The following CREB3 variants were observed in gnomAD, a reference collection of about 807,000 sequenced individuals.
CREB3 encodes cyclic AMP-responsive element-binding protein 3.
Under a neutral mutation model 34.5 loss-of-function variants are expected in CREB3, and 29 were observed. The ratio of observed to expected loss-of-function variants is 0.84; its 90% CI spans 0.63 to 1.15. The LOEUF is 1.15. Ranked by LOEUF, CREB3 falls within the 50% of genes most tolerant of loss-of-function variation. The pLI is 0.00. For missense variants in CREB3, 447 were observed against 443.4 expected (o/e 1.01, Z -0.07); for synonymous variants, 187 against 173.9 (o/e 1.08, Z -0.59).
chr9:35,733,701 TAAAA>T (rs149689619), intron 4 of CREB3, among the ~76,000 whole-genome samples: 21,270 of 152,026 alleles, frequency 0.14, 1,914 homozygotes, highest in East Asian at 0.31. Flanking sequence ...GGTGTTCTGT[TAAAA>T]AAATAACTCA....
rs755004669 is a variant in CREB3, at chr9:35,736,209, C to T, written c.697-18C>T. ...GCAATCCAGAGCCCTTCTTCATCTC[C>T]TTTTTCCTGTGCTCTAGGTCCTACT... On this transcript the variant is annotated intron_variant, in intron 7 of 8. Coordinates refer to ENST00000353704, the MANE Select transcript of CREB3 (RefSeq NM_006368.5). 1.2e-6 allele frequency: 2 copies of T among 1,613,636 alleles called. No individual in the cohort carries two copies. The highest frequency in any genetic ancestry group is 2.2e-5 in the East Asian group (1 of 44,874).
chr9:35,736,863 T>G lies in CREB3; in HGVS notation c.*137T>G, dbSNP rs1826234023. On this transcript the variant is annotated 3_prime_UTR_variant, in exon 9 of 9. Coordinates refer to ENST00000353704, the MANE Select transcript of CREB3 (RefSeq NM_006368.5). ...ACTGAGGGCTCAAACACACCACACT[T>G]AATGGCTTTCTGGGTCTTTTATTTG... is the stretch of plus-strand genomic sequence containing the variant. The G allele has an allele frequency of 1.2e-6, 1 of 835,668 alleles. No individual in the cohort carries two copies. 51.8% of individuals were successfully genotyped at this position (835,668 alleles called of 1,614,324 possible). A position where few individuals can be genotyped will look rare whatever the true frequency, so the allele number is the denominator to read the frequency against.
Position 35,735,206 on chromosome 9 carries a change from T to C in CREB3, c.533T>C (p.Leu178Ser). The change falls in exon 5 of 9, where the codon TTA becomes TCA. Residue 178 changes from leucine to serine, a missense_variant. Leu to Ser is a moderately radical substitution (Grantham distance 145). Transcript: ENST00000353704. ...RRKKKVYVGG[L>S]ESRVLKYTAQ... is the part of the protein sequence containing the mutation. The stretch of plus-strand genomic sequence containing the variant: ...AAAAAGAAGGTGTATGTTGGGGGTT[T>C]AGAGAGCAGGTATGAAAGGGAGAGG... 6.2e-7 allele frequency: 1 copy of C among 1,611,504 alleles called. No individual in the cohort carries two copies. Among genetic ancestry groups the C allele is most frequent in the Non-Finnish European group, 8.5e-7 (1 of 1,179,274 alleles).
chr9:35,734,288 A>AT (rs749990858), intron 4 of CREB3, among the ~76,000 whole-genome samples: 26 of 152,154 alleles, frequency 1.7e-4, no homozygotes, highest in Non-Finnish European at 3.2e-4. Context: ...CAGCAGTGTG[A>AT]TGTGGCTACT....
Position 35,736,928 on chromosome 9 carries a change from A to C in CREB3, c.*202A>C. On this transcript the variant is annotated 3_prime_UTR_variant, in exon 9 of 9. Transcript: ENST00000353704. ...TCACACCATGAATGTACCTGGGGAA[A>C]TCAACTGACCTCCCTGAACATTTCA... 1 of 741,130 alleles carries C rather than the reference A, an allele frequency of 1.3e-6. No individual in the cohort carries two copies. The highest frequency in any genetic ancestry group is 2.2e-6 in the Non-Finnish European group (1 of 464,376). 45.9% of individuals were successfully genotyped at this position (741,130 alleles called of 1,614,324 possible). A position where few individuals can be genotyped will look rare whatever the true frequency, so the allele number is the denominator to read the frequency against.
Position 35,736,786 on chromosome 9 carries a change from A to G in CREB3, c.*60A>G, listed in dbSNP as rs1826229949. ...TGGGGGGCTCCCCATCTGTGTCCAA[A>G]TAAAAAGCGGTGGGCAAGGGCTGGC... On this transcript the variant is annotated 3_prime_UTR_variant, in exon 9 of 9. Transcript: ENST00000353704. 6.7e-6 allele frequency: 10 copies of G among 1,488,394 alleles called. No individual in the cohort carries two copies. The highest frequency in any genetic ancestry group is 9.1e-6 in the Non-Finnish European group (10 of 1,101,172). 92.2% of individuals were successfully genotyped at this position (1,488,394 alleles called of 1,614,324 possible). A position where few individuals can be genotyped will look rare whatever the true frequency, so the allele number is the denominator to read the frequency against.
chr9:35,735,399 C>G, intron 6 of CREB3, 25 bp downstream of exon 6: 1 of 1,585,400 alleles, frequency 6.3e-7, no homozygotes, highest in Non-Finnish European at 8.7e-7. Flanking sequence ...AAACCATTCC[C>G]TTCCTATGCC....
In CREB3 at chr9:35,736,509, G is replaced by A; in HGVS notation, c.899G>A (p.Cys300Tyr). 1 of 1,614,174 alleles carries A rather than the reference G, an allele frequency of 6.2e-7. No homozygotes were observed. Residue 300 changes from cysteine to tyrosine, a missense_variant, in exon 9 of 9, where the codon TGT becomes TAT. Transcript: ENST00000353704. ...CACCAGTGGTTGGACGGCTCAGACT[G>A]TGTACTCCAGGCCCCTGGCAACACT... is the stretch of plus-strand genomic sequence containing the variant. ...STHQWLDGSD[C>Y]VLQAPGNTSC...
chr9:35,735,443 C>T, intron 6 of CREB3, 69 bp downstream of exon 6: 1 of 1,407,662 alleles, frequency 7.1e-7, no homozygotes, highest in Non-Finnish European at 1.0e-6. Context: ...TTTCCCCTGC[C>T]CTACACTTGA....
intron 3 of CREB3, 53 bp downstream of exon 3, chr9:35,733,335 G>A: frequency 6.2e-7 from 1 of 1,609,710 alleles, no homozygotes; most frequent in Non-Finnish European, 8.5e-7. Context: ...GGTGGGGGCA[G>A]GATTCCCCAT....
chr9:35,734,342 G>A (rs1197446371), intron 4 of CREB3, among the ~76,000 whole-genome samples: 1 of 152,110 alleles, frequency 6.6e-6, no homozygotes, highest in East Asian at 1.9e-4. Context: ...TAGAGTTATT[G>A]TCTCTACAAG....
rs1290929928 is a variant in CREB3 at position 35,736,440 on chromosome 9, T to C, written c.830T>C (p.Leu277Pro). The C allele has an allele frequency of 1.9e-6, 3 of 1,614,140 alleles. No homozygotes were observed. Among genetic ancestry groups the C allele is most frequent in the Non-Finnish European group, 2.5e-6 (3 of 1,180,030 alleles). ...RALPSEDPYQ[L>P]ELPALQSEVP... ...CTCCCCAGTGAGGACCCTTACCAGC[T>C]GGAGCTGCCTGCCCTGCAGTCAGAA... Residue 277 changes from leucine to proline, a missense_variant, in exon 9 of 9, where the codon CTG becomes CCG. Leu to Pro is a moderately conservative substitution (Grantham distance 98, BLOSUM62 -3). Transcript: ENST00000353704.
rs1368855482 is a variant in CREB3 at position 35,733,445 on chromosome 9, A to C, written c.395A>C (p.Lys132Thr). 2 of 1,613,674 alleles carry C rather than the reference A, an allele frequency of 1.2e-6. No individual in the cohort carries two copies. The highest frequency in any genetic ancestry group is 1.7e-6 in the Non-Finnish European group (2 of 1,179,670). The change falls in exon 4 of 9, where the codon AAG (lysine) becomes ACG (threonine). Residue 132 changes from lysine (K) to threonine (T), a missense_variant. Physicochemically the swap from Lys to Thr is moderately conservative, Grantham distance 78 (BLOSUM62 -1). Transcript: ENST00000353704. The part of the protein sequence containing the change: ...LTDEEKSLLE[K>T]EGLILPETLP... ...GATGAGGAGAAGAGTCTATTGGAGA[A>C]GGAGGGGCTTATTCTGCCTGAGACA...
chr9:35,734,928 T>A (rs1826170573), intron 4 of CREB3, among the ~76,000 whole-genome samples, 181 bp from the exon 5 acceptor site: 1 of 152,098 alleles, frequency 6.6e-6, no homozygotes, highest in Admixed American at 6.5e-5. Flanking sequence ...TAGTTTAAAA[T>A]GGTCTGGCTT....
chr9:35,736,631 C>T lies in CREB3; in HGVS notation c.1021C>T (p.Pro341Ser). ...CTTCTCAGAGCCTCTCTGCCGAGGT[C>T]CCATCCTCCCCCTGCAGGCAAATCT... ...DLFSEPLCRGPILPLQANLTR... is the reference protein window; with the variant it reads ...DLFSEPLCRGSILPLQANLTR... Residue 341 changes from proline to serine, a missense_variant, in exon 9 of 9, where the codon CCC becomes TCC. Physicochemically the swap from Pro to Ser is moderately conservative, Grantham distance 74 (BLOSUM62 -1). Coordinates refer to ENST00000353704, the MANE Select transcript of CREB3 (RefSeq NM_006368.5). The T allele has an allele frequency of 6.2e-7, 1 of 1,613,838 alleles. No homozygotes were observed. The highest frequency in any genetic ancestry group is 1.1e-5 in the South Asian group (1 of 91,090).
intron 6 of CREB3, 48 bp downstream of exon 6, chr9:35,735,422 C>T: frequency 6.7e-7 from 1 of 1,494,612 alleles, no homozygotes; most frequent in Non-Finnish European, 9.3e-7. Flanking sequence ...TCATTTAATG[C>T]TTTCTCACTC....
In CREB3 at chr9:35,735,368, A is replaced by G; in HGVS notation, c.605A>G (p.Gln202Arg). The G allele has an allele frequency of 6.2e-7, 1 of 1,613,574 alleles. No individual in the cohort carries two copies. The highest frequency in any genetic ancestry group is 8.5e-7 in the Non-Finnish European group (1 of 1,179,496). The change falls in exon 6 of 9, where the codon CAG (glutamine) becomes CGG (arginine). Residue 202 changes from glutamine to arginine, a missense_variant. Physicochemically the swap from Gln to Arg is conservative, Grantham distance 43 (BLOSUM62 1). Transcript: ENST00000353704. Reference sequence around the variant, plus strand: ...AACAAAGTACAGCTTCTGGAGGAACAGAATTTGTAAGTATCCCTCCAAACC... The same window carrying G: ...AACAAAGTACAGCTTCTGGAGGAACGGAATTTGTAAGTATCCCTCCAAACC... The part of the protein sequence containing the change: ...LQNKVQLLEE[Q>R]NLSLLDQLRK...
rs1200127671 is a variant in CREB3 at position 35,732,743 on chromosome 9, G to A, written c.-30G>A. ...GTCTGGGCTTCGGACGTTGGGGCCC[G>A]GTGGCCCACCCTTTCCGTAGTTGTC... On this transcript the variant is annotated 5_prime_UTR_variant, in exon 1 of 9. Transcript: ENST00000353704. This position sits in a 1 kb window ranked among gnomAD's most constrained non-coding sequence, Gnocchi z 5.1. 3.1e-6 allele frequency: 5 copies of A among 1,588,104 alleles called. No homozygotes were observed. The highest frequency in any genetic ancestry group is 1.7e-4 in the Middle Eastern group (1 of 5,930).
Position 35,732,862 on chromosome 9 carries a change from C to T in CREB3, c.90C>T (p.Ala30=), listed in dbSNP as rs1826115314. 5 of 1,614,220 alleles carry T rather than the reference C, an allele frequency of 3.1e-6. No individual in the cohort carries two copies. Among genetic ancestry groups the T allele is most frequent in the Non-Finnish European group, 3.4e-6 (4 of 1,180,030 alleles). ...ATTTGGGGACGGCACCCGATGAGGC[C>T]GTGAGGGCCCCACTGGACTGGGCGC... is the stretch of plus-strand genomic sequence containing the variant. ...SGDLGTAPDE[A]VRAPLDWALP... is the part of the protein sequence containing the mutation. The change falls in exon 1 of 9, where the codon GCC becomes GCT. Residue 30 remains alanine (A), a synonymous_variant. Coordinates refer to ENST00000353704, the MANE Select transcript of CREB3 (RefSeq NM_006368.5). This position sits in a 1 kb window ranked among gnomAD's most constrained non-coding sequence, Gnocchi z 5.1.
Sources: allele counts gnomAD v4.1 joint callset (sites outside exome capture counted in the v4.1 genomes callset), GRCh38; gene constraint gnomAD v4.1.1; non-coding constraint Gnocchi (gnomAD v3.1); transcripts MANE v1.5; gene names NCBI Gene and HGNC (gene_info 2026-07-23, HGNC 2026-07-21).